Variants in EDARADD observed in about 807,000 individuals in gnomAD.
The protein encoded by EDARADD is EDAR associated via death domain.
Under a neutral mutation model 25.6 loss-of-function variants are expected in EDARADD, and 20 were observed. The ratio of observed to expected loss-of-function variants is 0.78; its 90% CI spans 0.55 to 1.14. The LOEUF (loss-of-function observed/expected upper bound fraction) is 1.14, where lower values mean the gene tolerates loss of function less well. Among genes scored for constraint, EDARADD ranks in the 50% most tolerant of loss-of-function variants. The pLI is 0.00. For synonymous variants in EDARADD, 86 were observed against 94.4 expected (o/e 0.91, Z 0.52); for missense variants, 225 against 270.1 (o/e 0.83, Z 1.17).
At chr1:236,393,627 C>T (rs543665232), upstream of EDARADD, among the ~76,000 whole-genome samples, 1 of 152,040 alleles carries the variant, frequency 6.6e-6, no homozygotes, top group Non-Finnish European at 1.5e-5. Context: ...GAACTCCTGA[C>T]CTCAAATAAT....
chr1:236,407,353 C>T (rs1212642149), intron 1 of EDARADD, among the ~76,000 whole-genome samples: 2 of 152,166 alleles, frequency 1.3e-5, no homozygotes, highest in Non-Finnish European at 1.5e-5. Context: ...GAGGCAATGG[C>T]AAAGGCTCTC....
At chr1:236,452,414 A>G (rs1185804238) in intron 4 of EDARADD, among the ~76,000 whole-genome samples, 2 of 152,174 alleles carry the variant, frequency 1.3e-5, no homozygotes, top group East Asian at 3.8e-4. Context: ...TGATTGGATC[A>G]CGGGGGTGGT....
chr1:236,420,141 AT>A (rs1390792490), intron 3 of EDARADD, among the ~76,000 whole-genome samples: 1 of 152,196 alleles, frequency 6.6e-6, no homozygotes, highest in Admixed American at 6.5e-5. Flanking sequence ...AGCTGAGATC[AT>A]GCCACTGCAC....
chr1:236,363,006 A>ATATAT lies in EDARADD; in HGVS notation c.-6+12167_-6+12168insTATAT, dbSNP rs1553262239. 1.4e-3 allele frequency among the ~76,000 whole-genome samples: 62 copies of ATATAT among 42,936 alleles called. 1 individual carries two copies. The highest frequency in any genetic ancestry group is 5.5e-3 in the African/African-American group (50 of 9,024). 28.2% of individuals were successfully genotyped at this position (42,936 alleles called of 152,430 possible). On this transcript the variant is annotated intron_variant, in intron 3 of 7. Coordinates refer to the EDARADD transcript ENST00000439430. ...TTTTAAGAAAAAAAAAAAAAAAAAA[A>ATATAT]ATATATATATATATATATATATATA...
intron 5 of EDARADD, 37 bp downstream of exon 5, chr1:236,468,313 C>G (rs754495391): frequency 3.7e-6 from 6 of 1,601,852 alleles, no homozygotes; most frequent in Non-Finnish European, 4.3e-6. Flanking sequence ...GGGCTAATAG[C>G]TAGTGTGGCT....
At chr1:236,427,908 T>G (rs2489147) in intron 4 of EDARADD, among the ~76,000 whole-genome samples, 72,169 of 151,184 alleles carry the variant, frequency 0.48, 18,549 homozygotes, top group Non-Finnish European at 0.59. Flanking sequence ...TGTTTATTGT[T>G]TTATGATTAT....
intron 3 of EDARADD, among the ~76,000 whole-genome samples, chr1:236,416,985 G>T (rs1425293773): frequency 2.0e-5 from 3 of 152,118 alleles, no homozygotes; most frequent in African/African-American, 4.8e-5. Context: ...GTGGTGACAT[G>T]TGCCTGTAAT....
chr1:236,451,812 C>T (rs975207470), intron 4 of EDARADD, among the ~76,000 whole-genome samples: 19 of 152,132 alleles, frequency 1.2e-4, no homozygotes, highest in African/African-American at 4.6e-4. Context: ...TCTCCCTCCT[C>T]CCCGGAGATG....
intron 3 of EDARADD, among the ~76,000 whole-genome samples, chr1:236,385,266 A>G (rs1004085006): frequency 6.6e-6 from 1 of 151,530 alleles, no homozygotes; most frequent in East Asian, 1.9e-4. Context: ...AAAATTAGCC[A>G]GGCGTGGTGG....
chr1:236,405,566 T>G (rs781637162), intron 1 of EDARADD, among the ~76,000 whole-genome samples: 11 of 152,152 alleles, frequency 7.2e-5, no homozygotes, highest in Non-Finnish European at 1.5e-4. Flanking sequence ...AGGCCACAGC[T>G]CTAGACTTGT....
chr1:236,456,648 C>A (rs988186451), intron 4 of EDARADD, among the ~76,000 whole-genome samples: 2 of 152,078 alleles, frequency 1.3e-5, no homozygotes, highest in Admixed American at 1.3e-4. Flanking sequence ...GATCATGTCA[C>A]CGCTGGGAAC....
In EDARADD at chr1:236,484,559, CATTT is replaced by C; in HGVS notation, c.*1911_*1914del. 1 of 1,035,198 alleles carries C rather than the reference CATTT, an allele frequency of 9.7e-7. No homozygotes were observed. 64.1% of individuals were successfully genotyped at this position (1,035,198 alleles called of 1,614,324 possible). A position where few individuals can be genotyped will look rare whatever the true frequency, so the allele number is the denominator to read the frequency against. ...CCGGCAGCTCAAGACCCCCGAGCAA[CATTT>C]GTAGGGGCCGCTGCTAGTTAGCTAC... is the stretch of plus-strand genomic sequence containing the variant. On this transcript the variant is annotated 3_prime_UTR_variant, in exon 6 of 6. Coordinates refer to ENST00000334232, the MANE Select transcript of EDARADD (RefSeq NM_145861.4). This position sits in a 1 kb window ranked among gnomAD's most constrained non-coding sequence, Gnocchi z 4.1.
intron 3 of EDARADD, among the ~76,000 whole-genome samples, chr1:236,373,875 C>G (rs1667197461): frequency 6.6e-6 from 1 of 152,132 alleles, no homozygotes. Flanking sequence ...TCATTTAGTT[C>G]AAAGTATTTT....
chr1:236,397,707 G>T (rs1263654910), intron 1 of EDARADD, among the ~76,000 whole-genome samples: 7 of 152,106 alleles, frequency 4.6e-5, no homozygotes, highest in African/African-American at 1.7e-4. Context: ...GCCTCCTAAG[G>T]GTGAGAGCTC....
intron 5 of EDARADD, 30 bp downstream of exon 5, chr1:236,468,306 C>A: frequency 6.2e-7 from 1 of 1,607,798 alleles, no homozygotes; most frequent in East Asian, 2.2e-5. Context: ...GCTATCTGGG[C>A]TAATAGCTAG....
At chr1:236,439,380 T>C (rs1227832393) in intron 4 of EDARADD, among the ~76,000 whole-genome samples, 1 of 152,254 alleles carries the variant, frequency 6.6e-6, no homozygotes, top group East Asian at 1.9e-4. Context: ...GCATGATTGC[T>C]GGCTCATACA....
intron 3 of EDARADD, among the ~76,000 whole-genome samples, chr1:236,354,006 A>AT (rs779032418): frequency 1.3e-5 from 2 of 151,992 alleles, no homozygotes; most frequent in South Asian, 2.1e-4. Context: ...AGCTGGAGAC[A>AT]TTTTTTCTCT....
intron 5 of EDARADD, among the ~76,000 whole-genome samples, chr1:236,480,869 T>TTCAGC (rs1289561151): frequency 6.6e-6 from 1 of 152,192 alleles, no homozygotes; most frequent in Non-Finnish European, 1.5e-5. Context: ...GTCTTTAAGT[T>TTCAGC]TCAGTAGAAA....
At chr1:236,362,299 G>A (rs72751402) in intron 3 of EDARADD, among the ~76,000 whole-genome samples, 247 of 152,314 alleles carry the variant, frequency 1.6e-3, no homozygotes, top group Non-Finnish European at 3.0e-3. Flanking sequence ...TGGAACAACC[G>A]ATGATGTTGA....
Sources: allele counts gnomAD v4.1 joint callset (sites outside exome capture counted in the v4.1 genomes callset), GRCh38; gene constraint gnomAD v4.1.1; non-coding constraint Gnocchi (gnomAD v3.1); transcripts MANE v1.5; gene names NCBI Gene and HGNC (gene_info 2026-07-23, HGNC 2026-07-21).